The following RTF1 variants were observed in gnomAD, a reference collection of about 807,000 sequenced individuals.
RTF1 encodes RNA polymerase-associated protein RTF1 homolog.
RTF1 carries 10 observed loss-of-function variants against 95.7 expected under a neutral mutation model. The ratio of observed to expected loss-of-function variants is 0.10; its 90% CI spans 0.06 to 0.18. The LOEUF is 0.18. Ranked by LOEUF, RTF1 falls within the 10% of genes least tolerant of loss-of-function variation. The pLI, the probability that RTF1 is intolerant of heterozygous loss-of-function variation, is 1.00. For missense variants in RTF1, 458 were observed against 875.6 expected, an observed-to-expected ratio of 0.52 and a Z score of 6.02; for synonymous variants, 305 against 311.8, an observed-to-expected ratio of 0.98 and a Z score of 0.23.
At chr15:41,425,346 T>C (rs578022415) in intron 1 of RTF1, among the ~76,000 whole-genome samples, 50 of 152,094 alleles carry the variant, frequency 3.3e-4, no homozygotes, top group Non-Finnish European at 6.8e-4. Context: ...CCTCATGATC[T>C]GCCCGCCTCG....
At chr15:41,466,105 T>A in intron 5 of RTF1, 36 bp from the exon 6 acceptor site, 3 of 1,383,030 alleles carry the variant, frequency 2.2e-6, no homozygotes, top group Non-Finnish European at 2.9e-6. Flanking sequence ...CAGCTGTTGG[T>A]AAAAAGGGCC....
intron 4 of RTF1, among the ~76,000 whole-genome samples, chr15:41,463,637 ATGTCCAGCCAATTTT>A (rs2050863728): frequency 6.6e-6 from 1 of 152,114 alleles, no homozygotes; most frequent in Admixed American, 6.6e-5. Flanking sequence ...ATGTACCACC[ATGTCCAGCCAATTTT>A]TAAAATTTTT....
At chr15:41,428,257 CTTTTTTTT>C (rs535870983) in intron 1 of RTF1, among the ~76,000 whole-genome samples, 4 of 95,934 alleles carry the variant, frequency 4.2e-5, no homozygotes, top group African/African-American at 9.9e-5. Context: ...ACTGATATCC[CTTTTTTTT>C]TTTTTTTTTT....
chr15:41,438,118 T>C (rs938738041), intron 1 of RTF1, among the ~76,000 whole-genome samples: 4 of 152,154 alleles, frequency 2.6e-5, no homozygotes, highest in Admixed American at 1.3e-4. Context: ...ATTGAAAAGG[T>C]GGGGCAGATT....
chr15:41,435,173 G>A (rs1010484492), intron 1 of RTF1, among the ~76,000 whole-genome samples: 12 of 152,044 alleles, frequency 7.9e-5, no homozygotes, highest in African/African-American at 2.9e-4. Context: ...TATCAAAACA[G>A]GAGTACTAGT....
chr15:41,447,763 A>G (rs1252715077), intron 2 of RTF1, among the ~76,000 whole-genome samples: 1 of 152,134 alleles, frequency 6.6e-6, no homozygotes, highest in Non-Finnish European at 1.5e-5. Flanking sequence ...TACTTGGTTC[A>G]GATGCACACC....
chr15:41,434,448 A>G (rs902904623), intron 1 of RTF1, among the ~76,000 whole-genome samples: 15 of 152,134 alleles, frequency 9.9e-5, no homozygotes, highest in African/African-American at 3.6e-4. Flanking sequence ...AAAGGCTAAG[A>G]TACTATATGA....
chr15:41,477,755 T>C (rs2050949059), intron 14 of RTF1, among the ~76,000 whole-genome samples: 1 of 152,230 alleles, frequency 6.6e-6, no homozygotes, highest in Non-Finnish European at 1.5e-5. Flanking sequence ...ATTTGTTTTT[T>C]CTCAATTTCT....
intron 10 of RTF1, 49 bp from the exon 11 acceptor site, chr15:41,475,663 T>C: frequency 1.2e-6 from 2 of 1,603,758 alleles, no homozygotes; most frequent in Non-Finnish European, 1.7e-6. Context: ...TGAGAAAATA[T>C]CTTTCCAAAA....
In RTF1 at chr15:41,475,731, A is replaced by G. The variant is rs1280863899; in HGVS notation, c.1394A>G (p.Gln465Arg). The G allele has an allele frequency of 2.5e-6, 4 of 1,610,158 alleles. No homozygotes were observed. In the South Asian group the frequency reaches 4.4e-5, roughly 18 times the overall value. ...WKEAMFSAGMQLPTLDEINKK... is the reference protein window; with the variant it reads ...WKEAMFSAGMRLPTLDEINKK... ...ATCCAGATGTTCTCTGCTGGCATGCAGTTGCCCACTCTAGATGAAATCAAT... is the reference window on the plus strand; with the variant it reads ...ATCCAGATGTTCTCTGCTGGCATGCGGTTGCCCACTCTAGATGAAATCAAT... Residue 465 changes from glutamine to arginine, a missense_variant, in exon 11 of 18, where the codon CAG becomes CGG. By Grantham distance (43) the Gln-to-Arg change is conservative. Transcript: ENST00000389629.
intron 4 of RTF1, among the ~76,000 whole-genome samples, chr15:41,461,107 A>G (rs923994159): frequency 1.4e-4 from 21 of 150,930 alleles, no homozygotes; most frequent in African/African-American, 5.1e-4. Context: ...CAATGGCACA[A>G]TCTCGGCTCA....
chr15:41,436,970 C>A (rs2050706876), intron 1 of RTF1, among the ~76,000 whole-genome samples: 1 of 151,454 alleles, frequency 6.6e-6, no homozygotes, highest in Non-Finnish European at 1.5e-5. Flanking sequence ...CCCTGTAGTC[C>A]CAGCTACTCG....
At chr15:41,455,567 G>A (rs539882940) in intron 3 of RTF1, among the ~76,000 whole-genome samples, 2 of 152,200 alleles carry the variant, frequency 1.3e-5, no homozygotes, top group African/African-American at 4.8e-5. Flanking sequence ...CACTGTGGGA[G>A]GCCAAGGCAG....
Position 41,457,863 on chromosome 15 carries a change from G to T in RTF1, c.649G>T (p.Val217Leu), listed in dbSNP as rs1464269766. ...GTTCAATCGCATAGAGAAGAGGGAG[G>T]TGTTGAAAAGAAGGTAAGGTTGTCC... ...ELFNRIEKRE[V>L]LKRRFEIKKK... The change falls in exon 4 of 18, where the codon GTG becomes TTG. Residue 217 changes from valine (V) to leucine (L), a missense_variant. Physicochemically the swap from Val to Leu is conservative, Grantham distance 32. Transcript: ENST00000389629. 6.2e-7 allele frequency: 1 copy of T among 1,613,490 alleles called. No individual in the cohort carries two copies. Among genetic ancestry groups the T allele is most frequent in the Non-Finnish European group, 8.5e-7 (1 of 1,179,780 alleles).
chr15:41,461,634 C>T lies in RTF1; in HGVS notation c.663-3137C>T, dbSNP rs541579448. 2.6e-3 allele frequency among the ~76,000 whole-genome samples: 398 copies of T among 152,168 alleles called. 2 individuals are homozygous for T. Among genetic ancestry groups the T allele is most frequent in the South Asian group, 6.4e-3 (31 of 4,832 alleles). On this transcript the variant is annotated intron_variant, in intron 4 of 17. Transcript: ENST00000389629. ...CCTCCCAAGTAGCTGGGTTTACAGG[C>T]GCCCGCCACCACACCCAGCCAATTT...
At chr15:41,471,429 A>T in intron 8 of RTF1, 80 bp downstream of exon 8, 1 of 1,398,320 alleles carries the variant, frequency 7.2e-7, no homozygotes, top group Non-Finnish European at 9.7e-7. Context: ...TACTGAAAAA[A>T]TCGATCACTC....
intron 4 of RTF1, among the ~76,000 whole-genome samples, chr15:41,462,800 G>A (rs769660160): frequency 2.0e-5 from 3 of 152,108 alleles, no homozygotes; most frequent in Non-Finnish European, 4.4e-5. Flanking sequence ...CTGTCACCCA[G>A]GCTGGAGTGC....
chr15:41,420,820 C>T (rs879341985), intron 1 of RTF1, among the ~76,000 whole-genome samples: 21 of 152,230 alleles, frequency 1.4e-4, no homozygotes, highest in South Asian at 1.2e-3. Flanking sequence ...GAGGGTGCAG[C>T]AGTTCCCATC....
intron 3 of RTF1, among the ~76,000 whole-genome samples, chr15:41,453,569 A>T (rs1489051953): frequency 6.6e-6 from 1 of 152,026 alleles, no homozygotes; most frequent in Non-Finnish European, 1.5e-5. Context: ...CTACAAAAAA[A>T]TTTAAAAATT....
Sources: gnomAD v4.1 joint callset for allele counts (sites outside exome capture counted in the v4.1 genomes callset) on GRCh38, gnomAD v4.1.1 for gene constraint, MANE v1.5 for transcripts, NCBI Gene and HGNC (gene_info 2026-07-23, HGNC 2026-07-21) for gene names.